Variants in PLAAT3 observed in about 807,000 individuals in gnomAD.
PLAAT3 encodes Ca-independent phospholipase A1/2.
A neutral mutation model predicts 16.7 loss-of-function variants in PLAAT3; 21 were observed. That is an observed-to-expected ratio of 1.26 (90% CI 0.89 to 1.81). The LOEUF (loss-of-function observed/expected upper bound fraction) is 1.81. Among genes scored for constraint, PLAAT3 ranks in the 40% most tolerant of loss-of-function variants. The pLI, the probability that PLAAT3 is intolerant of heterozygous loss-of-function variation, is 0.00. For missense variants in PLAAT3, 219 were observed against 213.7 expected (o/e 1.02, Z -0.16); for synonymous variants, 76 against 81.7 (o/e 0.93, Z 0.38).
At chr11:63,607,260 C>T (rs970412420) in intron 2 of PLAAT3, among the ~76,000 whole-genome samples, 2 of 151,996 alleles carry the variant, frequency 1.3e-5, no homozygotes, top group South Asian at 2.1e-4. Context: ...GGGGACACAG[C>T]GCACACATCA....
intron 2 of PLAAT3, among the ~76,000 whole-genome samples, chr11:63,609,969 T>C (rs1395824846): frequency 1.3e-5 from 2 of 152,170 alleles, no homozygotes; most frequent in Admixed American, 6.5e-5. Flanking sequence ...ACCTGTTACC[T>C]GGAATCCTTA....
chr11:63,613,842 A>ACCCGCAGCTGACACCGATGC (rs1245699003), intron 2 of PLAAT3, among the ~76,000 whole-genome samples, 158 bp downstream of exon 2: 1 of 152,056 alleles, frequency 6.6e-6, no homozygotes. Context: ...GTGCGCGCCG[A>ACCCGCAGCTGACACCGATGC]CCCGCAGCTG....
intron 3 of PLAAT3, among the ~76,000 whole-genome samples, chr11:63,593,611 C>G (rs1173558783): frequency 6.6e-6 from 1 of 152,114 alleles, no homozygotes; most frequent in Non-Finnish European, 1.5e-5. Context: ...CTCTGTCACC[C>G]AGGCTGGAGT....
At chr11:63,602,585 C>CTT (rs1287200109) in intron 2 of PLAAT3, among the ~76,000 whole-genome samples, 4 of 143,710 alleles carry the variant, frequency 2.8e-5, no homozygotes, top group African/African-American at 1.0e-4. Flanking sequence ...ATGGTTTGTA[C>CTT]TTTTTTTTTT....
intron 2 of PLAAT3, among the ~76,000 whole-genome samples, chr11:63,601,247 G>T (rs962824193): frequency 6.6e-6 from 1 of 150,892 alleles, no homozygotes; most frequent in Non-Finnish European, 1.5e-5. Context: ...GTAGAGATGG[G>T]GTTTCACCAT....
chr11:63,608,569 T>G (rs1443830677), intron 2 of PLAAT3: 1 of 152,268 alleles, frequency 6.6e-6, no homozygotes, highest in Non-Finnish European at 1.5e-5. Flanking sequence ...TTCAGAATAC[T>G]TTTTAACCCA....
intron 3 of PLAAT3, among the ~76,000 whole-genome samples, chr11:63,594,084 T>G (rs1938221937): frequency 6.6e-6 from 1 of 152,204 alleles, no homozygotes; most frequent in South Asian, 2.1e-4. Flanking sequence ...CAGGATTCCC[T>G]GATAGATTAG....
chr11:63,578,018 C>A (rs1038359386), intron 4 of PLAAT3, among the ~76,000 whole-genome samples: 75 of 152,128 alleles, frequency 4.9e-4, no homozygotes, highest in African/African-American at 1.8e-3. Flanking sequence ...TGCAGTGGCT[C>A]AAGTCTGTAA....
chr11:63,613,186 C>A (rs879639145), intron 2 of PLAAT3, among the ~76,000 whole-genome samples: 1 of 152,032 alleles, frequency 6.6e-6, no homozygotes, highest in African/African-American at 2.4e-5. Flanking sequence ...CCGAGGCGGG[C>A]GGAGCACGAG....
chr11:63,608,808 TGGG>T (rs1244568949), intron 2 of PLAAT3, among the ~76,000 whole-genome samples: 1 of 152,176 alleles, frequency 6.6e-6, no homozygotes, highest in African/African-American at 2.4e-5. Context: ...ATTACACACT[TGGG>T]GGCCCTGTGT....
At chr11:63,605,887 G>A (rs76456219) in intron 2 of PLAAT3, among the ~76,000 whole-genome samples, 1 of 151,734 alleles carries the variant, frequency 6.6e-6, no homozygotes, top group South Asian at 2.1e-4. Flanking sequence ...AAGAACTAAC[G>A]CACTGAGGGA....
At chr11:63,588,830 C>T (rs950049926) in intron 4 of PLAAT3, among the ~76,000 whole-genome samples, 2 of 151,982 alleles carry the variant, frequency 1.3e-5, no homozygotes, top group African/African-American at 4.8e-5. Context: ...GCCTAACAAA[C>T]ATGAGGGTTG....
chr11:63,602,350 G>A (rs982421073), intron 2 of PLAAT3, among the ~76,000 whole-genome samples: 3 of 151,840 alleles, frequency 2.0e-5, no homozygotes, highest in Non-Finnish European at 4.4e-5. Context: ...GTCTTGTAGG[G>A]ACCAGCAAGG....
At chr11:63,585,941 G>C (rs889732677) in intron 4 of PLAAT3, among the ~76,000 whole-genome samples, 1 of 152,092 alleles carries the variant, frequency 6.6e-6, no homozygotes, top group African/African-American at 2.4e-5. Context: ...TTATGGCCAG[G>C]CGCAGTGGCT....
intron 3 of PLAAT3, among the ~76,000 whole-genome samples, chr11:63,595,699 G>T (rs570906710): frequency 2.0e-5 from 3 of 152,054 alleles, no homozygotes; most frequent in African/African-American, 4.8e-5. Flanking sequence ...TACATGGATG[G>T]TTTTTTTTAA....
intron 3 of PLAAT3, among the ~76,000 whole-genome samples, chr11:63,592,054 A>G (rs1938167000): frequency 6.6e-6 from 1 of 152,182 alleles, no homozygotes; most frequent in South Asian, 2.1e-4. Context: ...CCAGCACATC[A>G]CCAACCAGCT....
intron 4 of PLAAT3, among the ~76,000 whole-genome samples, chr11:63,586,475 C>G (rs139997940): frequency 4.4e-4 from 67 of 152,282 alleles, no homozygotes; most frequent in African/African-American, 1.6e-3. Context: ...GAAAGAATAA[C>G]TAAATGAGAT....
chr11:63,614,892 G>GT (rs1938792902), upstream of PLAAT3, among the ~76,000 whole-genome samples: 1 of 150,504 alleles, frequency 6.6e-6, no homozygotes, highest in Non-Finnish European at 1.5e-5. Context: ...GCATGCGCCT[G>GT]TAGTCCCAGC....
intron 4 of PLAAT3, 131 bp from the exon 5 acceptor site, chr11:63,575,177 C>A: frequency 1.6e-6 from 1 of 610,180 alleles, no homozygotes. Context: ...AAGGAGTCAA[C>A]AAACATTGGT....
Sources: allele counts gnomAD v4.1 joint callset (sites outside exome capture counted in the v4.1 genomes callset), GRCh38; gene constraint gnomAD v4.1.1; transcripts MANE v1.5; gene names NCBI Gene and HGNC (gene_info 2026-07-23, HGNC 2026-07-21).